The following PI4KA variants were observed in gnomAD, a reference collection of about 807,000 sequenced individuals.
PI4KA encodes the protein PI4-kinase alpha.
A neutral mutation model predicts 271.4 loss-of-function variants in PI4KA; 122 were observed. That is an observed-to-expected ratio of 0.45 (90% CI 0.39 to 0.52). The LOEUF (loss-of-function observed/expected upper bound fraction) is 0.52, where lower values mean the gene tolerates loss of function less well. PI4KA is among the 20% of genes least tolerant of loss of function. The probability of loss-of-function intolerance (pLI) is 0.00; values close to 1 mark genes in which losing one functional copy is unlikely to be tolerated. For synonymous variants in PI4KA, 1,041 were observed against 1,078.8 expected (o/e 0.96, Z 0.69); for missense variants, 1,969 against 2,769.1 (o/e 0.71, Z 6.48).
At position 20,732,246 on chromosome 22, in the gene PI4KA, G is replaced by A. The variant is rs1246180282; in HGVS notation, c.4288+725C>T. On this transcript the variant is annotated intron_variant, in intron 36 of 54. Coordinates refer to ENST00000255882, the MANE Select transcript of PI4KA (RefSeq NM_058004.4). ...AATTAAAAAATTAGCCAGGCATGGT[G>A]GTGAGCACCTGTAGTTCCAGCTACT... Among the ~76,000 whole-genome samples, 5 of 152,212 alleles carry A rather than the reference G, an allele frequency of 3.3e-5. No individual in the cohort carries two copies. In the South Asian group the frequency reaches 6.2e-4, roughly 19 times the overall value.
intron 54 of PI4KA, among the ~76,000 whole-genome samples, 176 bp from the exon 55 acceptor site, chr22:20,708,274 G>C (rs1371945893): frequency 6.6e-6 from 1 of 152,084 alleles, no homozygotes; most frequent in Non-Finnish European, 1.5e-5. Context: ...GCTCCAACCC[G>C]GGGGACTCCG....
intron 3 of PI4KA, among the ~76,000 whole-genome samples, chr22:20,825,243 G>A (rs1046715605): frequency 6.6e-6 from 1 of 152,006 alleles, no homozygotes; most frequent in Admixed American, 6.6e-5. Context: ...ATGTGCCCAT[G>A]CCCGGCCTAA....
rs544824818 is a variant in PI4KA at position 20,798,345 on chromosome 22, G to A, written c.2108+239C>T. On this transcript the variant is annotated intron_variant, in intron 17 of 54. Transcript: ENST00000255882. ...AAAAAGCAGGTCAGCTGCATGTGCAGCATGGGCCCAATCAGAAGGAGAGAA... is the reference window on the plus strand; with the variant it reads ...AAAAAGCAGGTCAGCTGCATGTGCAACATGGGCCCAATCAGAAGGAGAGAA... 8 of 498,996 alleles carry A rather than the reference G, an allele frequency of 1.6e-5. No homozygotes were observed. The East Asian group carries it at 2.5e-4, about 16-fold the overall frequency. The allele number at this position is 498,996 out of a possible 1,614,324, so 30.9% of individuals were successfully genotyped here.
intron 17 of PI4KA, 63 bp downstream of exon 17, chr22:20,798,521 C>T (rs967996919): frequency 9.9e-7 from 1 of 1,006,124 alleles, no homozygotes. Context: ...ATTCACAAAC[C>T]TCACATTTTT....
rs1933731715 is a variant in PI4KA, at chr22:20,780,788, A to AAAAAAAAAAAAAAAAAAAAAAAC, written c.2328+12404_2328+12405insGTTTTTTTTTTTTTTTTTTTTTT. On this transcript the variant is annotated intron_variant, in intron 19 of 54. Transcript: ENST00000255882. ...GAGACTCCATCTCAAAAAAAAAAAA[A>AAAAAAAAAAAAAAAAAAAAAAAC]AAAGAAGTAAAACGATGCTCCAAGG... Among the ~76,000 whole-genome samples, 2 of 151,334 alleles carry AAAAAAAAAAAAAAAAAAAAAAAC rather than the reference A, an allele frequency of 1.3e-5. 1 individual carries two copies. Among genetic ancestry groups the AAAAAAAAAAAAAAAAAAAAAAAC allele is most frequent in the African/African-American group, 4.9e-5 (2 of 41,158 alleles).
In PI4KA at chr22:20,799,171, CTGTAGGAT is replaced by C; in HGVS notation, c.1918_1925del (p.Ile640AlafsTer16). On this transcript the variant is annotated frameshift_variant, in exon 16 of 55. Transcript: ENST00000255882. LOFTEE classifies it high-confidence loss of function. ...GGGAGGGTGGCTGGCAGAATTTCTG[CTGTAGGAT>C]CTGCAGAATGGGCTCCATGACCTTC... The C allele has an allele frequency of 6.2e-7, 1 of 1,609,512 alleles. No homozygotes were observed. The highest frequency in any genetic ancestry group is 8.5e-7 in the Non-Finnish European group (1 of 1,177,844).
Position 20,727,880 on chromosome 22 carries a change from G to C in PI4KA, c.4683-16C>G, listed in dbSNP as rs181109426. The stretch of plus-strand genomic sequence containing the variant: ...GTTCTTAAACCTACAGTGCACAGAG[G>C]GTATGGGTGGTGCTGCCTCGCCAGG... On this transcript the variant is annotated splice_polypyrimidine_tract_variant and intron_variant, in intron 39 of 54. Coordinates refer to ENST00000255882, the MANE Select transcript of PI4KA (RefSeq NM_058004.4). 6.2e-7 allele frequency: 1 copy of C among 1,601,736 alleles called. No homozygotes were observed. Among genetic ancestry groups the C allele is most frequent in the East Asian group, 2.2e-5 (1 of 44,804 alleles).
At chr22:20,846,866 G>A (rs373471313) in intron 1 of PI4KA, among the ~76,000 whole-genome samples, 1 of 147,586 alleles carries the variant, frequency 6.8e-6, no homozygotes, top group Admixed American at 6.8e-5. Flanking sequence ...AAGGGTGGGG[G>A]GCCAGGTGCG....
chr22:20,802,357 G>A lies in PI4KA; in HGVS notation c.1592-252C>T, dbSNP rs374693532. ...AAAACTACCAATTTCTCAATCAACT[G>A]TTCAAAAGTACTGATGACCAACCAC... On this transcript the variant is annotated intron_variant, in intron 13 of 54. Coordinates refer to ENST00000255882, the MANE Select transcript of PI4KA (RefSeq NM_058004.4). Among the ~76,000 whole-genome samples, 17 of 152,304 alleles carry A rather than the reference G, an allele frequency of 1.1e-4. No individual in the cohort carries two copies. In the South Asian group the frequency reaches 2.9e-3, roughly 26 times the overall value.
chr22:20,799,145 G>A lies in PI4KA; in HGVS notation c.1952C>T (p.Pro651Leu), dbSNP rs150004135. ...CTGGTCAATAATCAGCACATCGAGG[G>A]GGGAGGGTGGCTGGCAGAATTTCTG... ...LQQKFCQPPS[P>L]LDVLIIDQLG... The change falls in exon 16 of 55, where the codon CCC (proline) becomes CTC (leucine). Residue 651 changes from proline to leucine, a missense_variant. By Grantham distance (98) the Pro-to-Leu change is moderately conservative (BLOSUM62 -3). Transcript: ENST00000255882. 1.2e-6 allele frequency: 2 copies of A among 1,613,150 alleles called. No individual in the cohort carries two copies. The highest frequency in any genetic ancestry group is 2.2e-5 in the East Asian group (1 of 44,836).
intron 3 of PI4KA, among the ~76,000 whole-genome samples, chr22:20,832,116 C>CTTTTT (rs1350841437): frequency 7.6e-6 from 1 of 132,422 alleles, no homozygotes; most frequent in Non-Finnish European, 1.6e-5. Context: ...TTTTGAAATT[C>CTTTTT]TTTTTTTTTT....
intron 32 of PI4KA, among the ~76,000 whole-genome samples, chr22:20,741,329 C>T (rs913781981): frequency 6.6e-5 from 10 of 152,154 alleles, no homozygotes; most frequent in African/African-American, 2.4e-4. Flanking sequence ...GGTGAGGAGC[C>T]CCGCCCAGGA....
intron 12 of PI4KA, among the ~76,000 whole-genome samples, chr22:20,803,657 T>C (rs1363343271): frequency 1.3e-5 from 2 of 152,146 alleles, no homozygotes; most frequent in African/African-American, 2.4e-5. Context: ...CCTGAGTAGC[T>C]GGGACTGTAG....
At chr22:20,843,006 G>C (rs536166126) in intron 1 of PI4KA, among the ~76,000 whole-genome samples, 2 of 150,468 alleles carry the variant, frequency 1.3e-5, no homozygotes, top group South Asian at 4.2e-4. Flanking sequence ...GCTGAGGCAG[G>C]AGAATGGCGT....
At position 20,751,297 on chromosome 22, in the gene PI4KA, C is replaced by T. The variant is rs1291598434; in HGVS notation, c.3149G>A (p.Arg1050His). 1.9e-6 allele frequency: 3 copies of T among 1,613,202 alleles called. No individual in the cohort carries two copies. The highest frequency in any genetic ancestry group is 1.7e-5 in the Admixed American group (1 of 59,964). Residue 1050 changes from arginine (R) to histidine (H), a missense_variant, in exon 27 of 55, where the codon CGT (arginine) becomes CAT (histidine). Arg to His is a conservative substitution (Grantham distance 29, BLOSUM62 0). Transcript: ENST00000255882. Reference protein sequence around the residue: ...RITVPDTYEARESIVKDFAAR... With the variant: ...RITVPDTYEAHESIVKDFAAR... Reference sequence around the variant, plus strand: ...AGGGGATCGTGTCGGGCCTACCTCACGGGCTTCGTACGTGTCAGGAACCGT... The same window carrying T: ...AGGGGATCGTGTCGGGCCTACCTCATGGGCTTCGTACGTGTCAGGAACCGT...
chr22:20,813,589 C>T (rs1185964807), intron 7 of PI4KA, 83 bp from the exon 8 acceptor site: 2 of 1,270,588 alleles, frequency 1.6e-6, no homozygotes, highest in Non-Finnish European at 2.2e-6. Flanking sequence ...CAATAACCAA[C>T]AAAGGTGCAG....
At chr22:20,771,861 T>C (rs1445909514) in intron 19 of PI4KA, among the ~76,000 whole-genome samples, 2 of 152,014 alleles carry the variant, frequency 1.3e-5, no homozygotes, top group Non-Finnish European at 2.9e-5. Context: ...GGATTACAGG[T>C]GTGAGCCACC....
rs567818351 is a variant in PI4KA at position 20,760,477 on chromosome 22, T to C, written c.2791+827A>G. On this transcript the variant is annotated intron_variant, in intron 23 of 54. Transcript: ENST00000255882. ...TCTTTTTATTGGCTAAATACACTTT[T>C]GTAAAACTAATATTAGCCTTTTGCA... 3.3e-5 allele frequency among the ~76,000 whole-genome samples: 5 copies of C among 152,348 alleles called. No homozygotes were observed. In the South Asian group the frequency reaches 1.0e-3, roughly 32 times the overall value.
At chr22:20,758,088 G>T (rs993265729) in intron 23 of PI4KA, among the ~76,000 whole-genome samples, 1 of 152,026 alleles carries the variant, frequency 6.6e-6, no homozygotes, top group African/African-American at 2.4e-5. Flanking sequence ...ATTCTGGGCC[G>T]GGCGCAGTGG....
Sources: gnomAD v4.1 joint callset for allele counts (sites outside exome capture counted in the v4.1 genomes callset) on GRCh38, gnomAD v4.1.1 for gene constraint, MANE v1.5 for transcripts, NCBI Gene and HGNC (gene_info 2026-07-23, HGNC 2026-07-21) for gene names.